The following PRKDC variants were observed in gnomAD, a reference collection of about 807,000 sequenced individuals.
PRKDC encodes DNA-dependent protein kinase catalytic subunit.
PRKDC carries 82 observed loss-of-function variants against 486.9 expected under a neutral mutation model. The ratio of observed to expected loss-of-function variants is 0.17; its 90% CI spans 0.14 to 0.20. PRKDC has a LOEUF of 0.20. Among genes scored for constraint, PRKDC ranks in the 10% least tolerant of loss-of-function variants. The pLI is 1.00. For synonymous variants in PRKDC, 1,895 were observed against 1,837.0 expected (o/e 1.03, Z -0.81); for missense variants, 4,504 against 5,038.2 (o/e 0.89, Z 3.21).
chr8:47,947,350 C>A (rs2090551325), intron 7 of PRKDC, among the ~76,000 whole-genome samples: 1 of 152,200 alleles, frequency 6.6e-6, no homozygotes, highest in Non-Finnish European at 1.5e-5. Flanking sequence ...CACTGCTGAA[C>A]CCCAAAATCA....
intron 41 of PRKDC, among the ~76,000 whole-genome samples, chr8:47,863,998 C>G (rs145287305): frequency 6.6e-6 from 1 of 152,216 alleles, no homozygotes; most frequent in East Asian, 1.9e-4. Context: ...AAAAAGTATC[C>G]AAAAGATGCC....
At chr8:47,807,999 C>G (rs771448319) in intron 68 of PRKDC, among the ~76,000 whole-genome samples, 3 of 152,162 alleles carry the variant, frequency 2.0e-5, no homozygotes, top group Non-Finnish European at 2.9e-5. Flanking sequence ...GCTGGGATTA[C>G]AGGAGTGAGC....
intron 61 of PRKDC, among the ~76,000 whole-genome samples, chr8:47,830,088 A>G (rs898502628): frequency 1.3e-5 from 2 of 152,258 alleles, no homozygotes; most frequent in African/African-American, 4.8e-5. Flanking sequence ...CACACAGACC[A>G]ATGGAACAGA....
intron 7 of PRKDC, among the ~76,000 whole-genome samples, chr8:47,953,134 C>A (rs552432515): frequency 6.6e-6 from 1 of 151,736 alleles, no homozygotes; most frequent in East Asian, 1.9e-4. Context: ...GAGCGAGACT[C>A]TGTTTAAAAA....
chr8:47,820,752 A>G lies in PRKDC; in HGVS notation c.9303T>C (p.Tyr3101=). ...AACTCTGAATGCCATTTTGAATGTA[A>G]TATTTGGCTCTGTCAACATCATCTT... ...LLQDDVDRAK[Y]YIQNGIQSFM... Residue 3101 remains tyrosine, a synonymous_variant, in exon 66 of 86, where the codon TAT becomes TAC. Coordinates refer to ENST00000314191, the MANE Select transcript of PRKDC (RefSeq NM_006904.7). 1 of 1,586,636 alleles carries G rather than the reference A, an allele frequency of 6.3e-7. No individual in the cohort carries two copies. Among genetic ancestry groups the G allele is most frequent in the Non-Finnish European group, 8.6e-7 (1 of 1,165,226 alleles).
chr8:47,921,549 C>T (rs1308338068), intron 21 of PRKDC, among the ~76,000 whole-genome samples: 1 of 151,782 alleles, frequency 6.6e-6, no homozygotes, highest in African/African-American at 2.4e-5. Flanking sequence ...TTTTATAGGC[C>T]GTTGAAGGTA....
chr8:47,909,425 G>A (rs956528845), intron 25 of PRKDC, among the ~76,000 whole-genome samples: 2 of 151,794 alleles, frequency 1.3e-5, no homozygotes, highest in African/African-American at 2.4e-5. Flanking sequence ...TGTTATCTTC[G>A]TAAGCTGAGA....
In PRKDC at chr8:47,933,969, A is replaced by T; in HGVS notation, c.1619T>A (p.Met540Lys). The change falls in exon 15 of 86, where the codon ATG (methionine) becomes AAG (lysine). Residue 540 changes from methionine (M) to lysine (K), a missense_variant. By Grantham distance (95) the Met-to-Lys change is moderately conservative (BLOSUM62 -1). This residue lies in a region of PRKDC where 1,969 missense variants were observed against 2,068.9 expected (regional missense o/e 0.95). Coordinates refer to ENST00000314191, the MANE Select transcript of PRKDC (RefSeq NM_006904.7). ...LFRHLLSSDQ[M>K]MDSILADEAF... ...GCTTTCAATGGTAAATGTTACCATC[A>T]TCTGGTCAGAGCTCAGGAGATGTCT... 4.3e-6 allele frequency: 7 copies of T among 1,610,856 alleles called. No individual in the cohort carries two copies. The highest frequency in any genetic ancestry group is 5.9e-6 in the Non-Finnish European group (7 of 1,178,556).
chr8:47,908,630 G>A (rs748732217), intron 25 of PRKDC, among the ~76,000 whole-genome samples: 2 of 152,150 alleles, frequency 1.3e-5, no homozygotes, highest in Non-Finnish European at 2.9e-5. Flanking sequence ...CTATGCACAT[G>A]TCAAGATGTG....
At chr8:47,859,253 C>T (rs187138710) in intron 46 of PRKDC, among the ~76,000 whole-genome samples, 3 of 152,114 alleles carry the variant, frequency 2.0e-5, no homozygotes, top group Admixed American at 6.5e-5. Context: ...GTCTCTGTTA[C>T]ACTGACCCCT....
chr8:47,833,149 A>G (rs1044576415), intron 59 of PRKDC, among the ~76,000 whole-genome samples: 1 of 152,222 alleles, frequency 6.6e-6, no homozygotes, highest in African/African-American at 2.4e-5. Flanking sequence ...ACATGCCAAA[A>G]GGTGGGCCAC....
intron 31 of PRKDC, among the ~76,000 whole-genome samples, chr8:47,891,299 T>C (rs1281807512): frequency 1.3e-5 from 2 of 152,220 alleles, no homozygotes; most frequent in Non-Finnish European, 2.9e-5. Flanking sequence ...GTAAGTCTCA[T>C]GGTTTCTAAT....
At chr8:47,949,799 G>A (rs567233474) in intron 7 of PRKDC, among the ~76,000 whole-genome samples, 3 of 152,174 alleles carry the variant, frequency 2.0e-5, no homozygotes, top group East Asian at 3.9e-4. Flanking sequence ...ATTACACAGG[G>A]CTACTCTAAC....
chr8:47,871,495 C>A (rs1371156871), intron 40 of PRKDC, among the ~76,000 whole-genome samples: 3 of 152,186 alleles, frequency 2.0e-5, no homozygotes, highest in Non-Finnish European at 4.4e-5. Flanking sequence ...ATAAAAATAT[C>A]CTTCAAGCAT....
At chr8:47,846,603 G>T (rs1194798600) in intron 54 of PRKDC, among the ~76,000 whole-genome samples, 1 of 152,034 alleles carries the variant, frequency 6.6e-6, no homozygotes, top group Non-Finnish European at 1.5e-5. Context: ...AAAAGACAAG[G>T]ATGCCCACTC....
chr8:47,879,834 C>CTTTT (rs759336069), intron 38 of PRKDC, among the ~76,000 whole-genome samples, 176 bp from the exon 39 acceptor site: 84 of 99,218 alleles, frequency 8.5e-4, no homozygotes, highest in Admixed American at 1.1e-3. Flanking sequence ...TATACCTCAG[C>CTTTT]TTTTTTTTTT....
At chr8:47,812,314 G>T (rs578030093) in intron 68 of PRKDC, among the ~76,000 whole-genome samples, 1 of 152,028 alleles carries the variant, frequency 6.6e-6, no homozygotes, top group African/African-American at 2.4e-5. Context: ...TGATACCCAG[G>T]AACTGCAGAA....
In PRKDC at chr8:47,929,767, G is replaced by A. The variant is rs2090219622; in HGVS notation, c.2052+86C>T. On this transcript the variant is annotated intron_variant, in intron 18 of 85. Coordinates refer to ENST00000314191, the MANE Select transcript of PRKDC (RefSeq NM_006904.7). ...ATTAGTAGACTTTAAAACTGCATAG[G>A]CCACAATCACATATTTTATGATACA... 4.5e-6 allele frequency: 6 copies of A among 1,342,518 alleles called. No individual in the cohort carries two copies. The South Asian group carries it at 6.2e-5, about 14-fold the overall frequency. 83.2% of individuals were successfully genotyped at this position (1,342,518 alleles called of 1,614,324 possible).
chr8:47,790,123 CCTTG>C, intron 74 of PRKDC, among the ~76,000 whole-genome samples: 1 of 152,230 alleles, frequency 6.6e-6, no homozygotes, highest in East Asian at 1.9e-4. Flanking sequence ...GTCAAATTAT[CCTTG>C]CTTGCAGATG....
Sources: gnomAD v4.1 joint callset for allele counts (sites outside exome capture counted in the v4.1 genomes callset) on GRCh38, gnomAD v4.1.1 for gene constraint, gnomAD v4.1.1 regional missense constraint, MANE v1.5 for transcripts, NCBI Gene and HGNC (gene_info 2026-07-23, HGNC 2026-07-21) for gene names.